LRRC32: variants seen among roughly 807,000 people sequenced by gnomAD.
LRRC32 encodes the protein transforming growth factor beta activator LRRC32.
A neutral mutation model predicts 15.0 loss-of-function variants in LRRC32; 5 were observed. That is an observed-to-expected ratio of 0.33 (90% CI 0.17 to 0.70). The LOEUF is 0.70. Ranked by LOEUF, LRRC32 falls within the 30% of genes least tolerant of loss-of-function variation. The pLI is 0.66. For missense variants in LRRC32, 803 were observed against 854.2 expected (o/e 0.94, Z 0.75); for synonymous variants, 391 against 403.9 (o/e 0.97, Z 0.38).
rs1319270232 is a variant in LRRC32 at position 76,670,687 on chromosome 11, A to G, written c.-78T>C. The G allele has an allele frequency of 6.6e-6, 1 of 151,592 alleles. No individual in the cohort carries two copies. The highest frequency in any genetic ancestry group is 2.4e-5 in the African/African-American group (1 of 41,238). The allele number at this position is 151,592 out of a possible 1,614,324, so 9.4% of individuals were successfully genotyped here. On this transcript the variant is annotated 5_prime_UTR_variant, in exon 1 of 3. Transcript: ENST00000260061. ...TTGCGCAAACCCGCCCCCGGGTCCC[A>G]CCCCGCGCCAGACCCCGGGGTCACG...
chr11:76,660,164 G>T lies in LRRC32; in HGVS notation c.1429C>A (p.Pro477Thr), dbSNP rs1306429821. 6.2e-7 allele frequency: 1 copy of T among 1,601,064 alleles called. No homozygotes were observed. The highest frequency in any genetic ancestry group is 1.3e-5 in the African/African-American group (1 of 74,182). Residue 477 changes from proline (P) to threonine (T), a missense_variant, in exon 3 of 3, where the codon CCT (proline) becomes ACT (threonine). Pro to Thr is a conservative substitution (Grantham distance 38). Transcript: ENST00000260061. ...GCCCCCGTGGCCACCTCCAGCCCAG[G>T]ATTGGAAGAAAGGTCCAGCTCAGTC... ...PLTELDLSSNPGLEVATGALG... is the reference protein window; with the variant it reads ...PLTELDLSSNTGLEVATGALG...
chr11:76,670,000 C>T (rs1411810035), intron 1 of LRRC32: 1 of 152,380 alleles, frequency 6.6e-6, no homozygotes, highest in Non-Finnish European at 1.5e-5. Flanking sequence ...CTGCTGCGGA[C>T]GTTCCTGTCA....
At chr11:76,669,426 C>T (rs146891163) in intron 1 of LRRC32, among the ~76,000 whole-genome samples, 37 of 148,764 alleles carry the variant, frequency 2.5e-4, no homozygotes, top group East Asian at 2.0e-3. Context: ...AGCAGGGGTA[C>T]GGGGGGCAAT....
Position 76,659,213 on chromosome 11 carries a change from C to T in LRRC32, c.*391G>A, listed in dbSNP as rs955999878. 1.1e-4 allele frequency: 26 copies of T among 228,390 alleles called. No individual in the cohort carries two copies. In the South Asian group the frequency reaches 1.6e-3, roughly 14 times the overall value. 14.1% of individuals were successfully genotyped at this position (228,390 alleles called of 1,614,324 possible). On this transcript the variant is annotated 3_prime_UTR_variant, in exon 3 of 3. Transcript: ENST00000260061. Reference sequence around the variant, plus strand: ...CACACCTCAGGCCCTAAGCACACTGCGTGGCGGCCACGTGGCTCTGCAGCA... The same window carrying T: ...CACACCTCAGGCCCTAAGCACACTGTGTGGCGGCCACGTGGCTCTGCAGCA...
Position 76,659,639 on chromosome 11 carries a change from G to C in LRRC32, c.1954C>G (p.Arg652Gly), listed in dbSNP as rs371900727. The change falls in exon 3 of 3, where the codon CGC becomes GGC. Residue 652 changes from arginine (R) to glycine (G), a missense_variant. Transcript: ENST00000260061. ...LTTLAACCCV[R>G]RQKFNQQYKA Reference sequence around the variant, plus strand: ...TACTGTTGGTTAAACTTCTGCCGGCGGACGCAGCAGCAGGCGGCCAGCGTG... The same window carrying C: ...TACTGTTGGTTAAACTTCTGCCGGCCGACGCAGCAGCAGGCGGCCAGCGTG... 19 of 1,614,006 alleles carry C rather than the reference G, an allele frequency of 1.2e-5. No individual in the cohort carries two copies. The Admixed American group carries it at 3.0e-4, about 25-fold the overall frequency.
rs569929311 is a variant in LRRC32 at position 76,659,142 on chromosome 11, C to T, written c.*462G>A. Reference sequence around the variant, plus strand: ...CTGGCACAGCCGGGGCAGGACTCACCGCACCAAACCAGCGGGGCCTGCCGA... The same window carrying T: ...CTGGCACAGCCGGGGCAGGACTCACTGCACCAAACCAGCGGGGCCTGCCGA... On this transcript the variant is annotated 3_prime_UTR_variant, in exon 3 of 3. Transcript: ENST00000260061. The T allele has an allele frequency of 3.9e-4, 66 of 170,132 alleles. 1 individual carries two copies. The South Asian group carries it at 6.8e-3, about 18-fold the overall frequency. 10.5% of individuals were successfully genotyped at this position (170,132 alleles called of 1,614,324 possible). A position where few individuals can be genotyped will look rare whatever the true frequency, so the allele number is the denominator to read the frequency against.
At chr11:76,668,271 C>T (rs1003775095) in intron 1 of LRRC32, among the ~76,000 whole-genome samples, 1 of 152,060 alleles carries the variant, frequency 6.6e-6, no homozygotes, top group East Asian at 1.9e-4. Context: ...AAAGAGACCC[C>T]GGATCTTCCT....
chr11:76,669,386 T>TGTGTGAGA (rs1439284769), intron 1 of LRRC32, among the ~76,000 whole-genome samples: 45 of 127,936 alleles, frequency 3.5e-4, no homozygotes, highest in African/African-American at 1.3e-3. Flanking sequence ...TGTGTGTGTG[T>TGTGTGAGA]GAGAGAGAGA....
At chr11:76,662,478 T>A (rs1952553378) in intron 2 of LRRC32, among the ~76,000 whole-genome samples, 1 of 151,740 alleles carries the variant, frequency 6.6e-6, no homozygotes, top group East Asian at 1.9e-4. Context: ...GGAAGGGAGG[T>A]GCCAGGATTG....
chr11:76,664,437 G>A (rs1163381843), intron 2 of LRRC32, among the ~76,000 whole-genome samples: 2 of 152,200 alleles, frequency 1.3e-5, no homozygotes, highest in East Asian at 1.9e-4. Context: ...CTTGACCAGA[G>A]TTTAGAGCTC....
chr11:76,669,561 C>T (rs984733927), intron 1 of LRRC32, among the ~76,000 whole-genome samples: 4 of 152,056 alleles, frequency 2.6e-5, no homozygotes, highest in Non-Finnish European at 4.4e-5. Context: ...TCCCATTTTA[C>T]GGATGAGAAA....
intron 1 of LRRC32, among the ~76,000 whole-genome samples, chr11:76,667,576 G>A (rs1161661781): frequency 3.3e-5 from 5 of 152,250 alleles, no homozygotes; most frequent in African/African-American, 1.2e-4. Context: ...CAGGGCCACA[G>A]GCGCTGCCCC....
Position 76,657,914 on chromosome 11 carries a change from A to T in LRRC32, c.*1690T>A, listed in dbSNP as rs1040042937. On this transcript the variant is annotated 3_prime_UTR_variant, in exon 3 of 3. Coordinates refer to ENST00000260061, the MANE Select transcript of LRRC32 (RefSeq NM_001128922.2). The stretch of plus-strand genomic sequence containing the variant: ...ATGAGCCAGACTGTGGGCCAAGCAC[A>T]GGTAAGATGATGAAGACAGCAAAAC... 2 of 152,414 alleles carry T rather than the reference A, an allele frequency of 1.3e-5. No homozygotes were observed. The highest frequency in any genetic ancestry group is 4.8e-5 in the African/African-American group (2 of 41,446). 9.4% of individuals were successfully genotyped at this position (152,414 alleles called of 1,614,324 possible). A position where few individuals can be genotyped will look rare whatever the true frequency, so the allele number is the denominator to read the frequency against.
At chr11:76,664,649 C>T (rs1391233960) in intron 2 of LRRC32, among the ~76,000 whole-genome samples, 1 of 152,194 alleles carries the variant, frequency 6.6e-6, no homozygotes, top group Non-Finnish European at 1.5e-5. Flanking sequence ...CTCCTTACTT[C>T]CCGTGTGTAT....
rs751049508 is a variant in LRRC32 at position 76,661,208 on chromosome 11, G to C, written c.385C>G (p.Leu129Val). ...TACAGGCTGTTCCCAGACAGGTCCA[G>C]GGAGGTCACGCGTGGCAGGGGGCCC... ...GLGPLPRVTSLDLSGNSLYSG... is the reference protein window; with the variant it reads ...GLGPLPRVTSVDLSGNSLYSG... The change falls in exon 3 of 3, where the codon CTG (leucine) becomes GTG (valine). Residue 129 changes from leucine to valine, a missense_variant. By Grantham distance (32) the Leu-to-Val change is conservative. Transcript: ENST00000260061. 21 of 1,613,732 alleles carry C rather than the reference G, an allele frequency of 1.3e-5. No homozygotes were observed. Among genetic ancestry groups the C allele is most frequent in the African/African-American group, 5.3e-5 (4 of 74,948 alleles).
intron 1 of LRRC32, 77 bp from the exon 2 acceptor site, chr11:76,666,035 A>T (rs1952620925): frequency 1.5e-6 from 2 of 1,341,948 alleles, no homozygotes; most frequent in African/African-American, 2.9e-5. Flanking sequence ...ACTCCCACCC[A>T]TTCTGTGCCT....
rs186237154 is a variant in LRRC32, at chr11:76,660,063, C to A, written c.1530G>T (p.Leu510=). The change falls in exon 3 of 3, where the codon CTG becomes CTT. Residue 510 remains leucine, a synonymous_variant. Coordinates refer to ENST00000260061, the MANE Select transcript of LRRC32 (RefSeq NM_001128922.2). ...GNGLMVLQVD[L]PCFICLKRLN... is the part of the protein sequence containing the mutation. ...GCCGCTTGAGGCAGATGAAGCAGGG[C>A]AGGTCCACCTGCAGGACCATCAGCC... 77 of 1,614,122 alleles carry A rather than the reference C, an allele frequency of 4.8e-5. No individual in the cohort carries two copies. Among genetic ancestry groups the A allele is most frequent in the Non-Finnish European group, 6.4e-5 (76 of 1,180,036 alleles).
At chr11:76,665,129 T>G (rs910076141) in intron 2 of LRRC32, among the ~76,000 whole-genome samples, 3 of 152,220 alleles carry the variant, frequency 2.0e-5, no homozygotes, top group Non-Finnish European at 4.4e-5. Context: ...CACAAGAACT[T>G]TAGGGCTAGT....
At position 76,659,621 on chromosome 11, in the gene LRRC32, G is replaced by T. The variant is rs1357044651; in HGVS notation, c.1972C>A (p.Gln658Lys). 2 of 1,614,060 alleles carry T rather than the reference G, an allele frequency of 1.2e-6. No homozygotes were observed. The highest frequency in any genetic ancestry group is 2.2e-5 in the East Asian group (1 of 44,884). Residue 658 changes from glutamine (Q) to lysine (K), a missense_variant, in exon 3 of 3, where the codon CAA (glutamine) becomes AAA (lysine). By Grantham distance (53) the Gln-to-Lys change is moderately conservative. Transcript: ENST00000260061. ...CGGCTTCTTTAGGCTTTATACTGTTGGTTAAACTTCTGCCGGCGGACGCAG... is the reference window on the plus strand; with the variant it reads ...CGGCTTCTTTAGGCTTTATACTGTTTGTTAAACTTCTGCCGGCGGACGCAG... The part of the protein sequence containing the change: ...CCCVRRQKFN[Q>K]QYKA
Sources: gnomAD v4.1 joint callset for allele counts (sites outside exome capture counted in the v4.1 genomes callset) on GRCh38, gnomAD v4.1.1 for gene constraint, MANE v1.5 for transcripts, NCBI Gene and HGNC (gene_info 2026-07-23, HGNC 2026-07-21) for gene names.